Variants in PIK3C3 observed in about 807,000 individuals in gnomAD.
PIK3C3 encodes the protein PI3-kinase type 3.
In PIK3C3, 95 loss-of-function variants were observed where a neutral mutation model predicts 126.1. The observed-to-expected ratio is 0.75, with a 90% CI of 0.64 to 0.89. PIK3C3 has a LOEUF of 0.89. Ranked by LOEUF, PIK3C3 falls within the 40% of genes least tolerant of loss-of-function variation. The pLI, the probability that PIK3C3 is intolerant of heterozygous loss-of-function variation, is 0.00. For synonymous variants in PIK3C3, 374 were observed against 360.0 expected, an observed-to-expected ratio of 1.04 and a Z score of -0.44; for missense variants, 829 against 1,063.2, an observed-to-expected ratio of 0.78 and a Z score of 3.06.
chr18:41,978,081 C>G (rs780972035), intron 4 of PIK3C3, among the ~76,000 whole-genome samples: 4 of 152,152 alleles, frequency 2.6e-5, no homozygotes, highest in Non-Finnish European at 5.9e-5. Flanking sequence ...CCCACATCCT[C>G]TGGAGGAGCA....
chr18:41,957,319 G>A (rs2144283450), intron 1 of PIK3C3, among the ~76,000 whole-genome samples: 2 of 152,258 alleles, frequency 1.3e-5, no homozygotes, highest in Non-Finnish European at 2.9e-5. Context: ...AGAGAAATGT[G>A]TTGATGAAGA....
rs1475018243 is a variant in PIK3C3 at position 41,955,247 on chromosome 18, T to C, written c.-45T>C. The C allele has an allele frequency of 3.9e-6, 6 of 1,538,360 alleles. No individual in the cohort carries two copies. Among genetic ancestry groups the C allele is most frequent in the Admixed American group, 1.7e-5 (1 of 58,516 alleles). ...GCTGGTTCATTTATGTTGTTTTTCCTGTACCTAAGTTCCCGCTGTAGGTGG... is the reference window on the plus strand; with the variant it reads ...GCTGGTTCATTTATGTTGTTTTTCCCGTACCTAAGTTCCCGCTGTAGGTGG... On this transcript the variant is annotated 5_prime_UTR_variant, in exon 1 of 25. Coordinates refer to ENST00000262039, the MANE Select transcript of PIK3C3 (RefSeq NM_002647.4).
At chr18:42,034,544 G>A (rs1983963126) in intron 16 of PIK3C3, among the ~76,000 whole-genome samples, 1 of 152,138 alleles carries the variant, frequency 6.6e-6, no homozygotes, top group Non-Finnish European at 1.5e-5. Flanking sequence ...TGAACCTTAA[G>A]TGTTTTCTTA....
At chr18:42,046,015 A>G (rs1387596960) in intron 20 of PIK3C3, among the ~76,000 whole-genome samples, 5 of 152,168 alleles carry the variant, frequency 3.3e-5, no homozygotes, top group Non-Finnish European at 7.4e-5. Flanking sequence ...ATGTCGTACC[A>G]TTGTGTCTTT....
intron 21 of PIK3C3, chr18:42,050,433 A>G (rs1324578460): frequency 1.3e-5 from 2 of 152,236 alleles, no homozygotes; most frequent in Non-Finnish European, 2.9e-5. Context: ...AAATTGAAAT[A>G]TCGAACTGCT....
At chr18:41,985,322 A>G (rs1981415169) in intron 4 of PIK3C3, among the ~76,000 whole-genome samples, 2 of 152,210 alleles carry the variant, frequency 1.3e-5, no homozygotes, top group East Asian at 1.9e-4. Context: ...TAAATAGGAC[A>G]GGCATCTAGG....
At chr18:42,078,904 C>T (rs1656641134) in intron 24 of PIK3C3, among the ~76,000 whole-genome samples, 1 of 152,216 alleles carries the variant, frequency 6.6e-6, no homozygotes, top group Non-Finnish European at 1.5e-5. Context: ...ACAGTTAAGG[C>T]CTTGCTCTGC....
In PIK3C3 at chr18:42,054,176, A is replaced by G. The variant is rs1159809008; in HGVS notation, c.2264-3707A>G. On this transcript the variant is annotated intron_variant, in intron 21 of 24. Coordinates refer to ENST00000262039, the MANE Select transcript of PIK3C3 (RefSeq NM_002647.4). ...TATATATATATATATATATATATATATATATATATATATATAAAGGGGAAT... is the reference window on the plus strand; with the variant it reads ...TATATATATATATATATATATATATGTATATATATATATATAAAGGGGAAT... 6.8e-4 allele frequency among the ~76,000 whole-genome samples: 43 copies of G among 63,544 alleles called. 3 individuals carry two copies. The East Asian group carries it at 0.015, about 23-fold the overall frequency. 41.7% of individuals were successfully genotyped at this position (63,544 alleles called of 152,430 possible).
chr18:41,987,121 G>A (rs893665126), intron 4 of PIK3C3, among the ~76,000 whole-genome samples: 1 of 151,900 alleles, frequency 6.6e-6, no homozygotes, highest in African/African-American at 2.4e-5. Context: ...GAATGAGAGG[G>A]GTGTTGATTT....
intron 3 of PIK3C3, among the ~76,000 whole-genome samples, chr18:41,965,730 T>C (rs1200583918): frequency 6.6e-6 from 1 of 152,178 alleles, no homozygotes; most frequent in Non-Finnish European, 1.5e-5. Flanking sequence ...ACTCCTTCTC[T>C]TGGTGCCCAC....
At position 42,083,232 on chromosome 18, in the gene PIK3C3, C is replaced by G. The variant is rs529278458; in HGVS notation, c.*2095C>G. 1.3e-5 allele frequency: 2 copies of G among 152,292 alleles called. No homozygotes were observed. Among genetic ancestry groups the G allele is most frequent in the South Asian group, 4.1e-4 (2 of 4,826 alleles). 9.4% of individuals were successfully genotyped at this position (152,292 alleles called of 1,614,324 possible). A position where few individuals can be genotyped will look rare whatever the true frequency, so the allele number is the denominator to read the frequency against. ...ATTCCATTGTTTTTACTCTTTAGAG[C>G]TCTATCCTCAGAGTGTAGTCTGCAT... On this transcript the variant is annotated 3_prime_UTR_variant, in exon 25 of 25. Coordinates refer to ENST00000262039, the MANE Select transcript of PIK3C3 (RefSeq NM_002647.4).
In PIK3C3 at chr18:42,065,773, A is replaced by C. The variant is rs1422393712; in HGVS notation, c.2523+943A>C. 3.3e-5 allele frequency among the ~76,000 whole-genome samples: 5 copies of C among 152,298 alleles called. No individual in the cohort carries two copies. The East Asian group carries it at 5.8e-4, about 18-fold the overall frequency. On this transcript the variant is annotated intron_variant, in intron 23 of 24. Coordinates refer to ENST00000262039, the MANE Select transcript of PIK3C3 (RefSeq NM_002647.4). Reference sequence around the variant, plus strand: ...TACAATAGCCTTAAGTATTAGAACAATTAGTGTATGTGTTAAGAATCTTAA... The same window carrying C: ...TACAATAGCCTTAAGTATTAGAACACTTAGTGTATGTGTTAAGAATCTTAA...
chr18:42,029,216 T>C (rs1983708523), intron 14 of PIK3C3, 109 bp from the exon 15 acceptor site: 1 of 700,390 alleles, frequency 1.4e-6, no homozygotes, highest in Admixed American at 2.1e-5. Flanking sequence ...TTGCTTTCTA[T>C]TTAAGTTTAT....
chr18:42,046,676 A>G (rs536144036), intron 20 of PIK3C3, among the ~76,000 whole-genome samples: 53 of 152,270 alleles, frequency 3.5e-4, no homozygotes, highest in Admixed American at 1.2e-3. Context: ...ATTTCAGGTC[A>G]TCTTAAATCA....
intron 24 of PIK3C3, among the ~76,000 whole-genome samples, chr18:42,070,124 C>T (rs899656253): frequency 2.0e-5 from 3 of 152,206 alleles, no homozygotes; most frequent in Non-Finnish European, 4.4e-5. Context: ...TCATTTCAGA[C>T]TCCTGCCCAA....
rs1986389759 is a variant in PIK3C3 at position 42,085,947 on chromosome 18, G to T, written c.*4810G>T. Reference sequence around the variant, plus strand: ...CAAAAATATATATTTGTGTGTGTGTGTGTGTGTATGTGCGTGCACAAAAAT... The same window carrying T: ...CAAAAATATATATTTGTGTGTGTGTTTGTGTGTATGTGCGTGCACAAAAAT... On this transcript the variant is annotated 3_prime_UTR_variant, in exon 25 of 25. Coordinates refer to ENST00000262039, the MANE Select transcript of PIK3C3 (RefSeq NM_002647.4). 8.9e-6 allele frequency: 1 copy of T among 112,020 alleles called. No individual in the cohort carries two copies. The highest frequency in any genetic ancestry group is 1.7e-5 in the Non-Finnish European group (1 of 58,930). 6.9% of individuals were successfully genotyped at this position (112,020 alleles called of 1,614,324 possible).
At chr18:42,038,652 C>T (rs972120047) in intron 17 of PIK3C3, 129 bp from the exon 18 acceptor site, 1 of 629,880 alleles carries the variant, frequency 1.6e-6, no homozygotes, top group East Asian at 3.0e-5. Flanking sequence ...CCTAAGTTAA[C>T]TAATTTAAAC....
chr18:41,995,967 C>T lies in PIK3C3; in HGVS notation c.864C>T (p.Pro288=), dbSNP rs1982005168. 1 of 1,610,452 alleles carries T rather than the reference C, an allele frequency of 6.2e-7. No individual in the cohort carries two copies. The highest frequency in any genetic ancestry group is 8.5e-7 in the Non-Finnish European group (1 of 1,177,214). ...GACCTTCTGACCACGATCTGAAACC[C>T]AATGCTGCCACGAGAGATCAGTTAA... is the stretch of plus-strand genomic sequence containing the variant. The part of the protein sequence containing the change: ...RSGPSDHDLK[P]NAATRDQLNI... The change falls in exon 8 of 25, where the codon CCC becomes CCT. Residue 288 remains proline (P), a synonymous_variant. Coordinates refer to ENST00000262039, the MANE Select transcript of PIK3C3 (RefSeq NM_002647.4).
At chr18:42,077,467 G>C (rs1986074236) in intron 24 of PIK3C3, among the ~76,000 whole-genome samples, 1 of 152,200 alleles carries the variant, frequency 6.6e-6, no homozygotes, top group Admixed American at 6.5e-5. Flanking sequence ...TAAATCCTTT[G>C]TTGTCATTTC....
Sources: gnomAD v4.1 joint callset for allele counts (sites outside exome capture counted in the v4.1 genomes callset) on GRCh38, gnomAD v4.1.1 for gene constraint, MANE v1.5 for transcripts, NCBI Gene and HGNC (gene_info 2026-07-23, HGNC 2026-07-21) for gene names.